PAQR5: variants seen among roughly 807,000 people sequenced by gnomAD.
PAQR5 encodes progestin and adipoQ receptor family member 5.
Under a neutral mutation model 34.5 loss-of-function variants are expected in PAQR5, and 20 were observed. The observed-to-expected ratio is 0.58, with a 90% confidence interval of 0.41 to 0.84. The LOEUF (loss-of-function observed/expected upper bound fraction) is 0.84, where lower values mean the gene tolerates loss of function less well. Ranked by LOEUF, PAQR5 falls within the 40% of genes least tolerant of loss-of-function variation. The probability of loss-of-function intolerance (pLI) is 0.00; values close to 1 mark genes in which losing one functional copy is unlikely to be tolerated. For synonymous variants in PAQR5, 131 were observed against 155.6 expected (o/e 0.84, Z 1.18); for missense variants, 378 against 412.7 (o/e 0.92, Z 0.73).
chr15:69,333,484 G>T (rs779585622), intron 1 of PAQR5, among the ~76,000 whole-genome samples: 1 of 152,182 alleles, frequency 6.6e-6, no homozygotes, highest in Non-Finnish European at 1.5e-5. Context: ...GATCAGAGAC[G>T]CATGCTCTCG....
At chr15:69,390,317 GTTTT>G (rs1370944463) in intron 6 of PAQR5, among the ~76,000 whole-genome samples, 194 of 130,522 alleles carry the variant, frequency 1.5e-3, no homozygotes, top group Middle Eastern at 0.013. Flanking sequence ...TGCCTGACCT[GTTTT>G]TTATTTATTT....
chr15:69,347,062 C>T (rs8037817), intron 2 of PAQR5, among the ~76,000 whole-genome samples: 122,932 of 152,060 alleles, frequency 0.81, 52,507 homozygotes, highest in Non-Finnish European at 0.96. Flanking sequence ...CCTCAGGTGA[C>T]CCACCTGCCT....
Position 69,403,843 on chromosome 15 carries a change from T to C in PAQR5, c.*21T>C, listed in dbSNP as rs760487683. 2.5e-6 allele frequency: 4 copies of C among 1,609,764 alleles called. No individual in the cohort carries two copies. Among genetic ancestry groups the C allele is most frequent in the Middle Eastern group, 1.7e-4 (1 of 6,046 alleles). ...CATGACTCAGACCATAAGCTTTTCATGCCAGATGTCAACATTAAGCTGCAA... is the reference window on the plus strand; with the variant it reads ...CATGACTCAGACCATAAGCTTTTCACGCCAGATGTCAACATTAAGCTGCAA... On this transcript the variant is annotated 3_prime_UTR_variant, in exon 9 of 9. Transcript: ENST00000395407.
At chr15:69,395,005 G>A (rs2056376695) in intron 6 of PAQR5, among the ~76,000 whole-genome samples, 2 of 152,228 alleles carry the variant, frequency 1.3e-5, no homozygotes, top group South Asian at 4.1e-4. Context: ...TCAAGTCACA[G>A]AAAATCCATG....
At chr15:69,376,643 C>A (rs547222948) in intron 3 of PAQR5, among the ~76,000 whole-genome samples, 2 of 152,214 alleles carry the variant, frequency 1.3e-5, no homozygotes, top group African/African-American at 4.8e-5. Flanking sequence ...AAATCTTGCC[C>A]CTATTACGTG....
chr15:69,364,334 C>T (rs968866980), intron 3 of PAQR5, among the ~76,000 whole-genome samples: 1 of 151,494 alleles, frequency 6.6e-6, no homozygotes, highest in Non-Finnish European at 1.5e-5. Context: ...AGAAGCAGGG[C>T]TCGGTGGGTC....
At chr15:69,374,925 G>T (rs1474980556) in intron 3 of PAQR5, among the ~76,000 whole-genome samples, 2 of 152,152 alleles carry the variant, frequency 1.3e-5, no homozygotes, top group African/African-American at 4.8e-5. Context: ...GAAGCCAGAG[G>T]CAGTTGCAGC....
intron 1 of PAQR5, among the ~76,000 whole-genome samples, chr15:69,319,344 A>G (rs1175971460): frequency 6.6e-6 from 1 of 151,082 alleles, no homozygotes; most frequent in East Asian, 2.0e-4. Flanking sequence ...GGACTGCTCT[A>G]TGGGTCCCCA....
chr15:69,311,811 G>A (rs1186488916), intron 1 of PAQR5, among the ~76,000 whole-genome samples: 1 of 152,180 alleles, frequency 6.6e-6, no homozygotes, highest in Non-Finnish European at 1.5e-5. Flanking sequence ...TGGGAAATGT[G>A]GGTGATACAT....
intron 1 of PAQR5, among the ~76,000 whole-genome samples, chr15:69,334,904 T>C (rs1448324432): frequency 6.6e-6 from 1 of 152,158 alleles, no homozygotes; most frequent in Non-Finnish European, 1.5e-5. Context: ...ACAAATTCTG[T>C]GGGTATAAAC....
rs1491006139 is a variant in PAQR5, at chr15:69,363,541, TTG to T, written c.51+3412_51+3413del. Among the ~76,000 whole-genome samples, 4 of 10,716 alleles carry T rather than the reference TTG, an allele frequency of 3.7e-4. No individual in the cohort carries two copies. In the East Asian group the frequency reaches 9.3e-3, roughly 25 times the overall value. 7.0% of individuals were successfully genotyped at this position (10,716 alleles called of 152,430 possible). ...GAGTGTCAAATTGCTAATCTGTTTT[TTG>T]TTTTTGTTTTTTTTTTTTTTTGAGA... is the stretch of plus-strand genomic sequence containing the variant. On this transcript the variant is annotated intron_variant, in intron 3 of 8. Transcript: ENST00000395407.
intron 2 of PAQR5, among the ~76,000 whole-genome samples, chr15:69,343,696 C>T: frequency 6.6e-6 from 1 of 152,122 alleles, no homozygotes; most frequent in East Asian, 1.9e-4. Flanking sequence ...AGTGGTGCCT[C>T]CTGATAAAAT....
intron 5 of PAQR5, among the ~76,000 whole-genome samples, chr15:69,387,209 C>T (rs967637395): frequency 2.6e-5 from 4 of 152,216 alleles, no homozygotes; most frequent in East Asian, 1.9e-4. Context: ...CTTAGCGGGG[C>T]GACTTCCTTG....
At chr15:69,379,255 A>C (rs2140913445) in intron 3 of PAQR5, 1 of 161,550 alleles carries the variant, frequency 6.2e-6, no homozygotes, top group East Asian at 2.0e-4. Flanking sequence ...TCACCTGACC[A>C]GTCCGGGTTT....
chr15:69,315,138 C>T (rs535608818), intron 1 of PAQR5, among the ~76,000 whole-genome samples: 4 of 152,080 alleles, frequency 2.6e-5, no homozygotes, highest in African/African-American at 9.7e-5. Context: ...ATTTGAACCA[C>T]GTCTTAGGAG....
intron 2 of PAQR5, among the ~76,000 whole-genome samples, chr15:69,342,328 T>G (rs1299641484): frequency 6.6e-6 from 1 of 151,320 alleles, no homozygotes; most frequent in Admixed American, 6.6e-5. Context: ...ATATTGGTTG[T>G]TTGTATATTT....
rs1365887757 is a variant in PAQR5, at chr15:69,384,894, C to T, written c.385+12C>T. ...CCTCTTCAGCCTGGGTATGTGAGGC[C>T]TTGTTCTTGCTTTCCTTCCCCTGCA... On this transcript the variant is annotated intron_variant, in intron 5 of 8. Coordinates refer to ENST00000395407, the MANE Select transcript of PAQR5 (RefSeq NM_017705.4). The T allele has an allele frequency of 2.5e-6, 4 of 1,605,156 alleles. No individual in the cohort carries two copies. The East Asian group carries it at 8.9e-5, about 36-fold the overall frequency.
At chr15:69,371,533 A>G (rs1439273422) in intron 3 of PAQR5, among the ~76,000 whole-genome samples, 1 of 152,168 alleles carries the variant, frequency 6.6e-6, no homozygotes, top group Non-Finnish European at 1.5e-5. Context: ...AGAAAACTGA[A>G]AACAGTAGGG....
chr15:69,375,913 G>T (rs1395813063), intron 3 of PAQR5, among the ~76,000 whole-genome samples: 1 of 152,178 alleles, frequency 6.6e-6, no homozygotes, highest in Non-Finnish European at 1.5e-5. Context: ...TTCCCCAGGT[G>T]GTTTGCAGTT....
Sources: allele counts gnomAD v4.1 joint callset (sites outside exome capture counted in the v4.1 genomes callset), GRCh38; gene constraint gnomAD v4.1.1; transcripts MANE v1.5; gene names NCBI Gene and HGNC (gene_info 2026-07-23, HGNC 2026-07-21).